The following KCND2 variants were observed in gnomAD, a reference collection of about 807,000 sequenced individuals.
KCND2 encodes the protein A-type voltage-gated potassium channel KCND2.
KCND2 carries 16 observed loss-of-function variants against 54.4 expected under a neutral mutation model. The observed-to-expected ratio is 0.29, with a 90% CI of 0.20 to 0.45. The LOEUF (loss-of-function observed/expected upper bound fraction) is 0.45, where lower values mean the gene tolerates loss of function less well. Ranked by LOEUF, KCND2 falls within the 20% of genes least tolerant of loss-of-function variation. The pLI, the probability that KCND2 is intolerant of heterozygous loss-of-function variation, is 1.00. For synonymous variants in KCND2, 317 were observed against 310.7 expected (o/e 1.02, Z -0.21); for missense variants, 486 against 824.2 (o/e 0.59, Z 5.02).
Position 120,507,745 on chromosome 7 carries a change from G to T in KCND2, c.1116-225158G>T, listed in dbSNP as rs182013615. ...TGAATTTTCAGCCTTTGGGTGAGAA[G>T]AAATAAATTCTTATCTAACATAAAA... On this transcript the variant is annotated intron_variant, in intron 1 of 5. Coordinates refer to ENST00000331113, the MANE Select transcript of KCND2 (RefSeq NM_012281.3). 2.0e-5 allele frequency among the ~76,000 whole-genome samples: 3 copies of T among 151,876 alleles called. No individual in the cohort carries two copies. In the East Asian group the frequency reaches 5.8e-4, roughly 29 times the overall value.
chr7:120,298,133 CA>C (rs1272526931), intron 1 of KCND2, among the ~76,000 whole-genome samples: 1 of 152,112 alleles, frequency 6.6e-6, no homozygotes, highest in Non-Finnish European at 1.5e-5. Context: ...TACATCTTAA[CA>C]GAGTGACTAG....
At chr7:120,308,999 T>A (rs189267196) in intron 1 of KCND2, among the ~76,000 whole-genome samples, 17 of 152,234 alleles carry the variant, frequency 1.1e-4, no homozygotes, top group Non-Finnish European at 2.2e-4. Context: ...ATAAGATTTT[T>A]AAGAAATGGC....
intron 1 of KCND2, among the ~76,000 whole-genome samples, chr7:120,627,911 ATAT>A (rs1188881348): frequency 6.6e-6 from 1 of 152,112 alleles, no homozygotes; most frequent in Non-Finnish European, 1.5e-5. Context: ...CATACATATA[ATAT>A]TTGCTGTTAC....
At chr7:120,279,019 T>A (rs1799223297) in intron 1 of KCND2, among the ~76,000 whole-genome samples, 1 of 151,912 alleles carries the variant, frequency 6.6e-6, no homozygotes, top group Non-Finnish European at 1.5e-5. Context: ...TGCCATTAAC[T>A]GCCTTATTAG....
chr7:120,516,684 C>T (rs1803201640), intron 1 of KCND2, among the ~76,000 whole-genome samples: 1 of 151,954 alleles, frequency 6.6e-6, no homozygotes. Flanking sequence ...GGCCAAACTC[C>T]GTTAATAAAA....
At chr7:120,404,589 C>T (rs1001689955) in intron 1 of KCND2, among the ~76,000 whole-genome samples, 1 of 152,120 alleles carries the variant, frequency 6.6e-6, no homozygotes, top group Non-Finnish European at 1.5e-5. Flanking sequence ...CCTGTTAGTC[C>T]TGATACCCGT....
chr7:120,316,124 A>C (rs879317303), intron 1 of KCND2, among the ~76,000 whole-genome samples: 4 of 152,188 alleles, frequency 2.6e-5, no homozygotes, highest in Non-Finnish European at 5.9e-5. Flanking sequence ...AAAAAACTAA[A>C]ATTTGGCGTT....
chr7:120,744,377 T>C (rs1377958880), intron 4 of KCND2, among the ~76,000 whole-genome samples: 1 of 152,066 alleles, frequency 6.6e-6, no homozygotes, highest in Non-Finnish European at 1.5e-5. Context: ...CTAATATAAA[T>C]TATGCTACCT....
At chr7:120,521,998 T>C (rs1791702431) in intron 1 of KCND2, among the ~76,000 whole-genome samples, 1 of 152,176 alleles carries the variant, frequency 6.6e-6, no homozygotes, top group African/African-American at 2.4e-5. Context: ...TCTATTACTC[T>C]CTGAACAAAT....
intron 1 of KCND2, among the ~76,000 whole-genome samples, chr7:120,700,112 A>G (rs572032372): frequency 1.3e-5 from 2 of 152,298 alleles, no homozygotes; most frequent in Admixed American, 1.3e-4. Flanking sequence ...TGGTCAAGAA[A>G]AAAATAAATC....
At chr7:120,558,428 C>G (rs1318047195) in intron 1 of KCND2, among the ~76,000 whole-genome samples, 1 of 152,146 alleles carries the variant, frequency 6.6e-6, no homozygotes, top group Non-Finnish European at 1.5e-5. Flanking sequence ...CTTCTACACA[C>G]AAACACATCC....
At chr7:120,731,105 C>G (rs951137902) in intron 1 of KCND2, among the ~76,000 whole-genome samples, 3 of 152,112 alleles carry the variant, frequency 2.0e-5, no homozygotes, top group Non-Finnish European at 4.4e-5. Flanking sequence ...GGAGTGCACT[C>G]TAGACAAAGT....
chr7:120,277,842 T>G (rs1799201093), intron 1 of KCND2, among the ~76,000 whole-genome samples: 1 of 152,012 alleles, frequency 6.6e-6, no homozygotes, highest in African/African-American at 2.4e-5. Flanking sequence ...GAAATTGAAT[T>G]ATATTGCCTG....
chr7:120,597,640 A>G (rs761698351), intron 1 of KCND2, among the ~76,000 whole-genome samples: 1 of 152,226 alleles, frequency 6.6e-6, no homozygotes, highest in East Asian at 1.9e-4. Context: ...AAAGAGCTCT[A>G]CAATTCTAAT....
chr7:120,655,120 A>C (rs938713051), intron 1 of KCND2, among the ~76,000 whole-genome samples: 1 of 152,064 alleles, frequency 6.6e-6, no homozygotes, highest in Non-Finnish European at 1.5e-5. Context: ...TATACATGTT[A>C]ATTCATTTTT....
intron 1 of KCND2, among the ~76,000 whole-genome samples, chr7:120,335,561 A>G (rs1400828683): frequency 6.6e-6 from 1 of 151,212 alleles, no homozygotes; most frequent in African/African-American, 2.4e-5. Flanking sequence ...ATCTTGGCTC[A>G]CTGCAAGCGC....
At chr7:120,735,348 A>G (rs535464932) in intron 2 of KCND2, among the ~76,000 whole-genome samples, 2 of 152,190 alleles carry the variant, frequency 1.3e-5, no homozygotes, top group African/African-American at 4.8e-5. Context: ...CAGTCCCTCT[A>G]CTGAGTACAA....
chr7:120,727,911 G>A (rs1434726114), intron 1 of KCND2, among the ~76,000 whole-genome samples: 2 of 151,930 alleles, frequency 1.3e-5, no homozygotes, highest in Non-Finnish European at 2.9e-5. Context: ...TGAGGACGGT[G>A]GATCACAAAG....
At chr7:120,398,103 G>T (rs1037413467) in intron 1 of KCND2, among the ~76,000 whole-genome samples, 21 of 143,264 alleles carry the variant, frequency 1.5e-4, no homozygotes, top group African/African-American at 4.7e-4. Context: ...TGTAAAGTTG[G>T]CTACGTTCTG....
Sources: gnomAD v4.1 joint callset for allele counts (sites outside exome capture counted in the v4.1 genomes callset) on GRCh38, gnomAD v4.1.1 for gene constraint, MANE v1.5 for transcripts, NCBI Gene and HGNC (gene_info 2026-07-23, HGNC 2026-07-21) for gene names.